LCLAT1: variants seen among roughly 807,000 people sequenced by gnomAD.
The protein encoded by LCLAT1 is lysocardiolipin acyltransferase 1.
In LCLAT1, 11 loss-of-function variants were observed where a neutral mutation model predicts 30.7. That is an observed-to-expected ratio of 0.36 (90% CI 0.23 to 0.59). The LOEUF is 0.59. Ranked by LOEUF, LCLAT1 falls within the 20% of genes least tolerant of loss-of-function variation. The pLI, the probability that LCLAT1 is intolerant of heterozygous loss-of-function variation, is 0.77. For synonymous variants in LCLAT1, 155 were observed against 151.3 expected (o/e 1.02, Z -0.18); for missense variants, 402 against 458.6 (o/e 0.88, Z 1.13).
intron 1 of LCLAT1, among the ~76,000 whole-genome samples, chr2:30,516,022 G>T (rs1685161508): frequency 6.6e-6 from 1 of 152,128 alleles, no homozygotes; most frequent in African/African-American, 2.4e-5. Flanking sequence ...GAAGGTGACT[G>T]TATCCACCTT....
intron 1 of LCLAT1, among the ~76,000 whole-genome samples, chr2:30,472,145 C>G (rs1682829691): frequency 6.6e-6 from 1 of 152,134 alleles, no homozygotes; most frequent in African/African-American, 2.4e-5. Context: ...AAATTGAGAA[C>G]AGAAGAAACA....
At chr2:30,522,404 T>TTTTTAA (rs1685521694) in intron 1 of LCLAT1, among the ~76,000 whole-genome samples, 1 of 152,134 alleles carries the variant, frequency 6.6e-6, no homozygotes, top group East Asian at 1.9e-4. Flanking sequence ...CTATTCCAAA[T>TTTTTAA]AAGTGTATAG....
chr2:30,519,197 C>T (rs1275114565), intron 1 of LCLAT1, among the ~76,000 whole-genome samples: 1 of 152,198 alleles, frequency 6.6e-6, no homozygotes, highest in Non-Finnish European at 1.5e-5. Flanking sequence ...CACTTCAGGC[C>T]ATACATTTCA....
intron 2 of LCLAT1, among the ~76,000 whole-genome samples, chr2:30,530,985 G>A (rs1191698482): frequency 6.6e-6 from 1 of 152,138 alleles, no homozygotes; most frequent in Admixed American, 6.5e-5. Flanking sequence ...TTAACTCTTG[G>A]CCGGGCACGG....
At chr2:30,494,870 G>C (rs1249281999) in intron 1 of LCLAT1, among the ~76,000 whole-genome samples, 1 of 150,518 alleles carries the variant, frequency 6.6e-6, no homozygotes, top group African/African-American at 2.4e-5. Context: ...CTGTTTGGGG[G>C]GTGGAGGGAA....
intron 1 of LCLAT1, among the ~76,000 whole-genome samples, chr2:30,486,697 A>G (rs772730626): frequency 6.6e-6 from 1 of 152,126 alleles, no homozygotes; most frequent in Non-Finnish European, 1.5e-5. Flanking sequence ...GTTCTAGCCA[A>G]TGGAATGTGA....
intron 1 of LCLAT1, among the ~76,000 whole-genome samples, chr2:30,491,131 A>G (rs1003095641): frequency 6.6e-6 from 1 of 152,236 alleles, no homozygotes; most frequent in Non-Finnish European, 1.5e-5. Context: ...GAAAGAAGGT[A>G]TAGTTTATAT....
intron 5 of LCLAT1, among the ~76,000 whole-genome samples, chr2:30,614,969 C>T (rs543793643): frequency 5.5e-4 from 83 of 152,046 alleles, no homozygotes; most frequent in Admixed American, 9.8e-4. Context: ...TAAAGGTCAC[C>T]GAGGACAGTT....
intron 1 of LCLAT1, among the ~76,000 whole-genome samples, chr2:30,470,777 T>C (rs1216553144): frequency 6.6e-6 from 1 of 152,248 alleles, no homozygotes; most frequent in African/African-American, 2.4e-5. Context: ...TATTTGGTGA[T>C]TGGCTTTTCC....
At chr2:30,621,060 G>T (rs905474313) in intron 5 of LCLAT1, among the ~76,000 whole-genome samples, 2 of 152,086 alleles carry the variant, frequency 1.3e-5, no homozygotes, top group African/African-American at 4.8e-5. Flanking sequence ...CTATTTCCAA[G>T]TAAGGTTACA....
chr2:30,640,191 CTCCAAGGAGACTT>C lies in LCLAT1; in HGVS notation c.707_719del (p.Gln236ProfsTer13), dbSNP rs748769938. On this transcript the variant is annotated frameshift_variant, in exon 6 of 6. Transcript: ENST00000379509. LOFTEE classifies it high-confidence loss of function. ...CATTCCTCAATCAGAGAAGCACCTC[CTCCAAGGAGACTT>C]TCCCAGGGAAATCCACTTTCACGTC... The C allele has an allele frequency of 3.1e-6, 5 of 1,614,192 alleles. No homozygotes were observed. Among genetic ancestry groups the C allele is most frequent in the Non-Finnish European group, 4.2e-6 (5 of 1,180,020 alleles).
At chr2:30,505,301 A>G (rs1684602220) in intron 1 of LCLAT1, among the ~76,000 whole-genome samples, 1 of 150,410 alleles carries the variant, frequency 6.6e-6, no homozygotes, top group Non-Finnish European at 1.5e-5. Context: ...GACACCAACA[A>G]TGATTTTTAG....
intron 1 of LCLAT1, among the ~76,000 whole-genome samples, chr2:30,467,737 T>C (rs2148285549): frequency 1.3e-5 from 2 of 152,384 alleles, no homozygotes; most frequent in South Asian, 4.1e-4. Flanking sequence ...AAATGTCTTC[T>C]TTTGAGAAGT....
intron 3 of LCLAT1, among the ~76,000 whole-genome samples, chr2:30,538,447 G>T (rs1197566113): frequency 6.6e-6 from 1 of 152,026 alleles, no homozygotes; most frequent in African/African-American, 2.4e-5. Flanking sequence ...TTGGAGACCA[G>T]CCTGGCCAAC....
chr2:30,557,783 GTGA>G (rs1664998428), intron 3 of LCLAT1, among the ~76,000 whole-genome samples: 1 of 152,088 alleles, frequency 6.6e-6, no homozygotes. Context: ...GAGGGAAGTG[GTGA>G]TAAAGGAGTA....
At chr2:30,561,266 C>T (rs548342105) in intron 3 of LCLAT1, among the ~76,000 whole-genome samples, 134 of 152,244 alleles carry the variant, frequency 8.8e-4, no homozygotes, top group Non-Finnish European at 1.6e-3. Flanking sequence ...TTTTATCCTG[C>T]CTCAGCCCCT....
At chr2:30,595,476 A>G (rs375384545) in intron 5 of LCLAT1, among the ~76,000 whole-genome samples, 2 of 152,104 alleles carry the variant, frequency 1.3e-5, no homozygotes, top group Non-Finnish European at 2.9e-5. Context: ...TCCTGAACAC[A>G]TTATGGCCAT....
At chr2:30,617,177 C>T (rs1174012606) in intron 5 of LCLAT1, among the ~76,000 whole-genome samples, 1 of 152,118 alleles carries the variant, frequency 6.6e-6, no homozygotes, top group African/African-American at 2.4e-5. Flanking sequence ...TTTCTATGTA[C>T]CTCTGCAGTC....
chr2:30,621,082 C>T (rs985927122), intron 5 of LCLAT1, among the ~76,000 whole-genome samples: 1 of 152,076 alleles, frequency 6.6e-6, no homozygotes, highest in Non-Finnish European at 1.5e-5. Context: ...TCTGAAGTTC[C>T]GGTGGCCAGG....
Sources: allele counts gnomAD v4.1 joint callset (sites outside exome capture counted in the v4.1 genomes callset), GRCh38; gene constraint gnomAD v4.1.1; transcripts MANE v1.5; gene names NCBI Gene and HGNC (gene_info 2026-07-23, HGNC 2026-07-21).